The following TRMO variants were observed in gnomAD, a reference collection of about 807,000 sequenced individuals.
The protein encoded by TRMO is tRNA (adenine(37)-N6)-methyltransferase.
Under a neutral mutation model 37.2 loss-of-function variants are expected in TRMO, and 30 were observed. That is an observed-to-expected ratio of 0.81 (90% CI 0.60 to 1.09). The LOEUF is 1.09. Among genes scored for constraint, TRMO ranks in the 50% least tolerant of loss-of-function variants. The pLI, the probability that TRMO is intolerant of heterozygous loss-of-function variation, is 0.00. For synonymous variants in TRMO, 239 were observed against 199.4 expected, an observed-to-expected ratio of 1.20 and a Z score of -1.67; for missense variants, 552 against 549.5, an observed-to-expected ratio of 1.00 and a Z score of -0.05.
At chr9:97,899,080 C>T in the TRMO span, among the ~76,000 whole-genome samples, 36 of 151,920 alleles carry the variant, frequency 2.4e-4, no homozygotes, top group Non-Finnish European at 4.7e-4. Context: ...CCTCGTGATC[C>T]GCCCGCCTCG....
intron 3 of TRMO, 23 bp downstream of exon 3, chr9:97,913,378 A>G (rs1472648519): frequency 1.9e-6 from 3 of 1,613,366 alleles, no homozygotes; most frequent in Non-Finnish European, 2.5e-6. Context: ...GAAAAAGGTA[A>G]AAGTAGAAAT....
chr9:97,905,107 G>A (rs1431078836), intron 4 of TRMO, 115 bp from the exon 5 acceptor site: 3 of 1,143,394 alleles, frequency 2.6e-6, no homozygotes, highest in Non-Finnish European at 3.8e-6. Context: ...CATGGACAGG[G>A]TTTGGAAAAC....
chr9:97,921,080 A>T (rs1024588147), intron 1 of TRMO, among the ~76,000 whole-genome samples: 1 of 152,230 alleles, frequency 6.6e-6, no homozygotes, highest in African/African-American at 2.4e-5. Flanking sequence ...AGTGTGCAAC[A>T]ATTTTTTTTA....
chr9:97,920,776 C>T (rs1272482662), intron 1 of TRMO, among the ~76,000 whole-genome samples: 1 of 152,226 alleles, frequency 6.6e-6, no homozygotes, highest in East Asian at 1.9e-4. Flanking sequence ...TTTCTGTCCC[C>T]ACTGCAAGTT....
rs143058977 is a variant in TRMO at position 97,922,303 on chromosome 9, A to G, written c.76+115T>C. On this transcript the variant is annotated intron_variant, in intron 1 of 4. Coordinates refer to ENST00000375119, the MANE Select transcript of TRMO (RefSeq NM_016481.5). ...GTGACCCGTGCCTTCGCCGTAGGTA[A>G]AAGAATGACGCACGTCAGTTCCAGA... is the stretch of plus-strand genomic sequence containing the variant. The G allele has an allele frequency of 9.2e-4, 666 of 723,334 alleles. No individual in the cohort carries two copies. The African/African-American group carries it at 0.011, about 11-fold the overall frequency. The allele number at this position is 723,334 out of a possible 1,614,324, so 44.8% of individuals were successfully genotyped here.
At chr9:97,899,791 G>A (rs759417449), downstream of TRMO, among the ~76,000 whole-genome samples, 2 of 152,148 alleles carry the variant, frequency 1.3e-5, no homozygotes, top group African/African-American at 2.4e-5. Flanking sequence ...CTACTCAAGA[G>A]GCTGAGGTGA....
chr9:97,898,578 C>T, the TRMO span, among the ~76,000 whole-genome samples: 7 of 151,942 alleles, frequency 4.6e-5, no homozygotes, highest in African/African-American at 1.4e-4. Flanking sequence ...GTTTTAGAGA[C>T]GGGCTTTTCA....
At chr9:97,917,842 C>T (rs1450479003) in intron 1 of TRMO, among the ~76,000 whole-genome samples, 1 of 149,046 alleles carries the variant, frequency 6.7e-6, no homozygotes, top group Non-Finnish European at 1.5e-5. Flanking sequence ...ACATGCCCAT[C>T]TAATTTTTTT....
At chr9:97,921,952 G>GT (rs1368833659) in intron 1 of TRMO, among the ~76,000 whole-genome samples, 1 of 152,128 alleles carries the variant, frequency 6.6e-6, no homozygotes, top group Non-Finnish European at 1.5e-5. Context: ...ATGAAAACGT[G>GT]TGAGTAAAGA....
In TRMO at chr9:97,904,980, G is replaced by C; in HGVS notation, c.1079C>G (p.Ala360Gly). Residue 360 changes from alanine (A) to glycine (G), a missense_variant, in exon 5 of 5, where the codon GCG becomes GGG. By Grantham distance (60) the Ala-to-Gly change is moderately conservative (BLOSUM62 0). Coordinates refer to ENST00000375119, the MANE Select transcript of TRMO (RefSeq NM_016481.5). The stretch of plus-strand genomic sequence containing the variant: ...TGCTGACTGAAAATATTTAAATGAC[G>C]CCTGACCAACATCTGCAATGAAAAA... ...GQLSSQDVGQ[A>G]SFKYFQSAEE... is the part of the protein sequence containing the mutation. 11 of 1,612,562 alleles carry C rather than the reference G, an allele frequency of 6.8e-6. No individual in the cohort carries two copies. The highest frequency in any genetic ancestry group is 9.3e-6 in the Non-Finnish European group (11 of 1,178,830).
chr9:97,916,363 G>C, intron 1 of TRMO, 25 bp from the exon 2 acceptor site: 8 of 1,565,754 alleles, frequency 5.1e-6, no homozygotes, highest in Non-Finnish European at 6.9e-6. Context: ...TAGGTAAAAA[G>C]TTATTAGTCA....
chr9:97,903,554 A>G (rs1825732116), downstream of TRMO, among the ~76,000 whole-genome samples: 1 of 152,240 alleles, frequency 6.6e-6, no homozygotes, highest in South Asian at 2.1e-4. Flanking sequence ...ATCCTCAGTT[A>G]TCTGGGAGCA....
At chr9:97,919,670 G>C (rs1271991623) in intron 1 of TRMO, among the ~76,000 whole-genome samples, 1 of 152,114 alleles carries the variant, frequency 6.6e-6, no homozygotes, top group South Asian at 2.1e-4. Context: ...TGGGGCCTAG[G>C]AATTTATATT....
intron 3 of TRMO, 154 bp from the exon 4 acceptor site, chr9:97,910,770 T>C (rs964018768): frequency 1.2e-6 from 1 of 837,978 alleles, no homozygotes; most frequent in African/African-American, 1.7e-5. Context: ...CCCTTCTTGC[T>C]ACCTGGTAGC....
At chr9:97,916,869 C>T (rs1380148477) in intron 1 of TRMO, among the ~76,000 whole-genome samples, 2 of 138,270 alleles carry the variant, frequency 1.4e-5, no homozygotes, top group African/African-American at 5.3e-5. Flanking sequence ...CCACGCTCAA[C>T]TTTTTTTTTT....
chr9:97,917,551 AAAT>A (rs1355193182), intron 1 of TRMO, among the ~76,000 whole-genome samples: 1 of 152,234 alleles, frequency 6.6e-6, no homozygotes. Context: ...TGAAAAAGTA[AAAT>A]AATAATATAT....
In TRMO at chr9:97,910,440, C is replaced by CA. The variant is rs1461001692; in HGVS notation, c.585dup (p.Asp196Ter). Reference sequence around the variant, plus strand: ...GAGAGCTGTCGCTGGTCACAGCTGTCAGTCTTGCTGTCAGACTGGGACACA... The same window carrying CA: ...GAGAGCTGTCGCTGGTCACAGCTGTCAAGTCTTGCTGTCAGACTGGGACACA... On this transcript the variant is annotated frameshift_variant, in exon 4 of 5. Coordinates refer to ENST00000375119, the MANE Select transcript of TRMO (RefSeq NM_016481.5). LOFTEE classifies it high-confidence loss of function. 1 of 1,613,966 alleles carries CA rather than the reference C, an allele frequency of 6.2e-7. No homozygotes were observed. The highest frequency in any genetic ancestry group is 1.7e-5 in the Admixed American group (1 of 60,002).
the TRMO span, among the ~76,000 whole-genome samples, chr9:97,897,188 T>A: frequency 6.6e-6 from 1 of 152,246 alleles, no homozygotes; most frequent in Admixed American, 6.5e-5. Context: ...AAACAGTCTC[T>A]GACTTAGAAG....
intron 4 of TRMO, among the ~76,000 whole-genome samples, chr9:97,906,841 C>CAA (rs752160277): frequency 2.4e-5 from 3 of 125,506 alleles, no homozygotes; most frequent in Middle Eastern, 4.1e-3. Flanking sequence ...GACTCCGTCT[C>CAA]AAAAAAAAAA....
Sources: allele counts gnomAD v4.1 joint callset (sites outside exome capture counted in the v4.1 genomes callset), GRCh38; gene constraint gnomAD v4.1.1; transcripts MANE v1.5; gene names NCBI Gene and HGNC (gene_info 2026-07-23, HGNC 2026-07-21).